RUFY3: variants seen among roughly 807,000 people sequenced by gnomAD.
RUFY3 encodes protein RUFY3.
RUFY3 carries 34 observed loss-of-function variants against 84.0 expected under a neutral mutation model. The observed-to-expected ratio is 0.40, with a 90% CI of 0.31 to 0.54. RUFY3 has a LOEUF of 0.54. Among genes scored for constraint, RUFY3 ranks in the 20% least tolerant of loss-of-function variants. RUFY3 has a pLI of 0.39. For synonymous variants in RUFY3, 242 were observed against 252.9 expected (o/e 0.96, Z 0.41); for missense variants, 507 against 736.8 (o/e 0.69, Z 3.61).
chr4:70,749,147 C>A (rs1722698092), intron 1 of RUFY3, among the ~76,000 whole-genome samples: 1 of 151,990 alleles, frequency 6.6e-6, no homozygotes, highest in South Asian at 2.1e-4. Context: ...ATTGAGCAAA[C>A]CAAGGAATTC....
intron 17 of RUFY3, among the ~76,000 whole-genome samples, chr4:70,804,788 G>A (rs563555006): frequency 2.1e-4 from 31 of 149,462 alleles, no homozygotes; most frequent in African/African-American, 7.0e-4. Flanking sequence ...AAAAATAGCC[G>A]GGCGTGGTGG....
At chr4:70,737,385 T>A (rs572409087) in intron 1 of RUFY3, among the ~76,000 whole-genome samples, 7 of 152,362 alleles carry the variant, frequency 4.6e-5, no homozygotes, top group Middle Eastern at 3.4e-3. Context: ...CCTTTTTCTT[T>A]CTTATACAGA....
At chr4:70,757,917 A>G (rs754978701) in intron 1 of RUFY3, among the ~76,000 whole-genome samples, 4 of 152,258 alleles carry the variant, frequency 2.6e-5, no homozygotes, top group Non-Finnish European at 5.9e-5. Context: ...AGTGTTGTGA[A>G]CATTTTAAAA....
chr4:70,802,459 C>G (rs1732349852), intron 15 of RUFY3, among the ~76,000 whole-genome samples: 1 of 152,184 alleles, frequency 6.6e-6, no homozygotes. Flanking sequence ...ATATTTCAAC[C>G]TGAATGGGTT....
At chr4:70,800,693 G>A (rs1157336625) in intron 15 of RUFY3, among the ~76,000 whole-genome samples, 1 of 152,116 alleles carries the variant, frequency 6.6e-6, no homozygotes, top group African/African-American at 2.4e-5. Context: ...AGACCAGCCT[G>A]CCAACATGGT....
chr4:70,796,328 C>G (rs1362827803), intron 14 of RUFY3, among the ~76,000 whole-genome samples: 1 of 152,198 alleles, frequency 6.6e-6, no homozygotes, highest in Non-Finnish European at 1.5e-5. Flanking sequence ...TGCTTTTGAC[C>G]CGTCTGCTTT....
upstream of RUFY3, chr4:70,721,899 G>A (rs1056573266): frequency 1.5e-5 from 19 of 1,230,890 alleles, no homozygotes; most frequent in Non-Finnish European, 1.8e-5. Flanking sequence ...CATCTATAAA[G>A]CATCCTGGGA....
intron 1 of RUFY3, among the ~76,000 whole-genome samples, chr4:70,728,619 T>A (rs1055265193): frequency 3.7e-4 from 57 of 152,348 alleles, no homozygotes; most frequent in Admixed American, 1.3e-3. Flanking sequence ...CAGATTTTTT[T>A]AAAATATAAT....
intron 1 of RUFY3, among the ~76,000 whole-genome samples, chr4:70,747,432 C>T (rs1722403135): frequency 6.6e-6 from 1 of 151,976 alleles, no homozygotes; most frequent in Admixed American, 6.6e-5. Context: ...GAAAGACACT[C>T]CAGTATCCTG....
chr4:70,750,434 C>G (rs1560492738), intron 1 of RUFY3, among the ~76,000 whole-genome samples: 2 of 152,086 alleles, frequency 1.3e-5, no homozygotes, highest in Non-Finnish European at 2.9e-5. Flanking sequence ...TCAAATATGT[C>G]TTTTTATAGT....
chr4:70,715,560 C>T (rs921922029), intron 1 of RUFY3, among the ~76,000 whole-genome samples: 2 of 137,242 alleles, frequency 1.5e-5, no homozygotes, highest in African/African-American at 5.3e-5. Flanking sequence ...CCACTGCACC[C>T]TAACCCGGGT....
intron 14 of RUFY3, 110 bp from the exon 15 acceptor site, chr4:70,800,031 A>T: frequency 3.2e-6 from 3 of 943,528 alleles, no homozygotes; most frequent in Non-Finnish European, 4.7e-6. Context: ...CCTAATAAAA[A>T]AAGCTACTTA....
upstream of RUFY3, chr4:70,721,920 C>G (rs1742347072): frequency 2.4e-6 from 3 of 1,231,522 alleles, no homozygotes; most frequent in South Asian, 1.2e-4. Context: ...ATTGCTTGCC[C>G]TACGTTCAGA....
chr4:70,798,905 C>T (rs544813427), intron 14 of RUFY3, among the ~76,000 whole-genome samples: 8 of 152,056 alleles, frequency 5.3e-5, no homozygotes, highest in African/African-American at 1.7e-4. Context: ...AATCCCAGCA[C>T]TTTGGGAGGC....
chr4:70,704,790 G>A (rs918725599), upstream of RUFY3: 4 of 496,164 alleles, frequency 8.1e-6, no homozygotes, highest in Admixed American at 1.4e-4. Flanking sequence ...GCGGAGCCCA[G>A]GCGCCAGCCC....
At chr4:70,721,665 T>TCTTTC (rs1742318909), upstream of RUFY3, among the ~76,000 whole-genome samples, 1 of 152,254 alleles carries the variant, frequency 6.6e-6, no homozygotes, top group South Asian at 2.1e-4. Flanking sequence ...AGGTGAATTA[T>TCTTTC]ATGCTTGTTA....
chr4:70,783,826 G>A (rs1040329791), intron 9 of RUFY3, among the ~76,000 whole-genome samples: 4 of 152,090 alleles, frequency 2.6e-5, no homozygotes, highest in Non-Finnish European at 4.4e-5. Flanking sequence ...AATATTCCCC[G>A]ATTTCTGTGG....
intron 12 of RUFY3, 88 bp from the exon 13 acceptor site, chr4:70,793,697 G>T: frequency 6.2e-7 from 1 of 1,605,094 alleles, no homozygotes; most frequent in Non-Finnish European, 8.5e-7. Flanking sequence ...ATTCTTCCTT[G>T]GGTTATTTTA....
chr4:70,714,003 A>G (rs1295327895), intron 1 of RUFY3, among the ~76,000 whole-genome samples: 1 of 152,182 alleles, frequency 6.6e-6, no homozygotes, highest in East Asian at 1.9e-4. Flanking sequence ...ACATTTACTT[A>G]CTGCTTACTT....
Sources: allele counts gnomAD v4.1 joint callset (sites outside exome capture counted in the v4.1 genomes callset), GRCh38; gene constraint gnomAD v4.1.1; transcripts MANE v1.5; gene names NCBI Gene and HGNC (gene_info 2026-07-23, HGNC 2026-07-21).